Variants in TGIF1 observed in about 807,000 individuals in gnomAD.
TGIF1 encodes the protein homeobox protein TGIF1.
In TGIF1, 4 loss-of-function variants were observed where a neutral mutation model predicts 19.3. The observed-to-expected ratio is 0.21, with a 90% CI of 0.10 to 0.47. The LOEUF is 0.47. TGIF1 is among the 20% of genes least tolerant of loss of function. The probability of loss-of-function intolerance (pLI) is 0.98; values close to 1 mark genes in which losing one functional copy is unlikely to be tolerated. For missense variants in TGIF1, 275 were observed against 341.4 expected (o/e 0.81, Z 1.53); for synonymous variants, 122 against 129.3 (o/e 0.94, Z 0.38).
chr18:3,422,674 T>TTTTTTGTTTTTTTG lies in TGIF1; in HGVS notation c.-45+4464_-45+4465insGTTTTTTTGTTTTT, dbSNP rs1439157810. Among the ~76,000 whole-genome samples the TTTTTTGTTTTTTTG allele has an allele frequency of 3.2e-4, 6 of 18,466 alleles. 2 individuals are homozygous for TTTTTTGTTTTTTTG. The highest frequency in any genetic ancestry group is 2.9e-4 in the Non-Finnish European group (1 of 3,398). The allele number at this position is 18,466 out of a possible 152,430, so 12.1% of individuals were successfully genotyped here. On this transcript the variant is annotated intron_variant, in intron 2 of 3. Coordinates refer to the TGIF1 transcript ENST00000401449. ...TGTTAAGTGCCCTATATAGGTGGCC[T>TTTTTTGTTTTTTTG]TTTTTTTTTTTTTTTTTTTTTTTTT...
rs1253977897 is a variant in TGIF1 at position 3,419,724 on chromosome 18, G to A, written c.-45+1509G>A. 2.6e-5 allele frequency among the ~76,000 whole-genome samples: 4 copies of A among 152,210 alleles called. No homozygotes were observed. The East Asian group carries it at 7.7e-4, about 29-fold the overall frequency. On this transcript the variant is annotated intron_variant, in intron 2 of 3. Transcript: ENST00000401449. ...TCTCCAACTCAACAAGAAAAAAGCA[G>A]GCTGGGCACGGTGGCTCACGCCTGT...
At chr18:3,446,183 T>G (rs1381668492), upstream of TGIF1, among the ~76,000 whole-genome samples, 2 of 152,100 alleles carry the variant, frequency 1.3e-5, no homozygotes, top group African/African-American at 4.8e-5. Context: ...TATCTTTCCG[T>G]TTTTTTGTTT....
At chr18:3,449,822 C>CT, upstream of TGIF1, 1 of 985,614 alleles carries the variant, frequency 1.0e-6, no homozygotes, top group Non-Finnish European at 1.2e-6. Flanking sequence ...GGGAGGTGTC[C>CT]TTTTTTCCAT....
intron 1 of TGIF1, 132 bp downstream of exon 1, chr18:3,450,637 T>C: frequency 6.6e-7 from 1 of 1,522,266 alleles, no homozygotes; most frequent in Non-Finnish European, 8.8e-7. Context: ...GCGGCCGTGC[T>C]CTTTGTTGAG....
chr18:3,445,723 C>CAA (rs141550400), upstream of TGIF1, among the ~76,000 whole-genome samples: 550 of 17,602 alleles, frequency 0.031, 29 homozygotes, highest in East Asian at 0.13. Flanking sequence ...GACTCTGTCT[C>CAA]AAAAAAAAAA....
At chr18:3,449,993 C>A (rs894792441), upstream of TGIF1, 8 of 988,648 alleles carry the variant, frequency 8.1e-6, no homozygotes, top group African/African-American at 1.7e-5. Context: ...ACCCGGCCAC[C>A]CCCCGCGTCC....
At chr18:3,448,342 C>G, upstream of TGIF1, 1 of 985,426 alleles carries the variant, frequency 1.0e-6, no homozygotes. Flanking sequence ...ACCCTTCAAA[C>G]GAAATAGCGA....
chr18:3,454,699 G>A (rs2083108463), intron 1 of TGIF1, among the ~76,000 whole-genome samples: 1 of 152,154 alleles, frequency 6.6e-6, no homozygotes, highest in African/African-American at 2.4e-5. Flanking sequence ...AATCATCAGG[G>A]GAGGGGAATT....
chr18:3,448,171 A>C (rs914586262), upstream of TGIF1: 4 of 985,224 alleles, frequency 4.1e-6, no homozygotes, highest in East Asian at 4.6e-4. Context: ...GTTAGCAAAC[A>C]AAGCGTCTCC....
At position 3,428,899 on chromosome 18, in the gene TGIF1, T is replaced by C. The variant is rs1456157521; in HGVS notation, c.-45+10684T>C. Among the ~76,000 whole-genome samples the C allele has an allele frequency of 8.6e-5, 13 of 150,962 alleles. No individual in the cohort carries two copies. In the East Asian group the frequency reaches 1.4e-3, roughly 16 times the overall value. ...TCTACTAAAATACAGAAATAAAAAA[T>C]AAAATAAGCCGAGCATGGCGGCGTG... On this transcript the variant is annotated intron_variant, in intron 2 of 3. Transcript: ENST00000401449.
upstream of TGIF1, chr18:3,447,897 A>G: frequency 6.5e-7 from 1 of 1,540,088 alleles, no homozygotes; most frequent in Non-Finnish European, 9.0e-7. Context: ...TTTTCAAGCT[A>G]TAAACCCTTT....
intron 2 of TGIF1, among the ~76,000 whole-genome samples, chr18:3,435,985 C>A (rs1330414224): frequency 6.6e-6 from 1 of 152,040 alleles, no homozygotes; most frequent in East Asian, 1.9e-4. Context: ...CTCTCTGCCA[C>A]CTGAGTTTCT....
upstream of TGIF1, chr18:3,448,418 G>T (rs2082789879): frequency 1.0e-6 from 1 of 995,150 alleles, no homozygotes; most frequent in Non-Finnish European, 1.2e-6. Context: ...GTCCCGCACC[G>T]GGCGCAGCAG....
At chr18:3,448,174 G>C, upstream of TGIF1, 2 of 983,670 alleles carry the variant, frequency 2.0e-6, no homozygotes, top group Non-Finnish European at 2.4e-6. Flanking sequence ...AGCAAACAAA[G>C]CGTCTCCCCA....
chr18:3,451,659 C>G lies in TGIF1; in HGVS notation c.16+1154C>G. ...GGTAGCCTCAAGGCCAGCGGGGTTC[C>G]TTCGGCTGCGTTTCTGTGGGAGGCC... On this transcript the variant is annotated intron_variant, in intron 1 of 2. Transcript: ENST00000343820. The surrounding 1 kb of genome is among the most constrained non-coding windows in gnomAD (Gnocchi z 5.4). 8.7e-7 allele frequency: 1 copy of G among 1,151,832 alleles called. No homozygotes were observed. The highest frequency in any genetic ancestry group is 1.1e-6 in the Non-Finnish European group (1 of 937,306). The allele number at this position is 1,151,832 out of a possible 1,614,324, so 71.4% of individuals were successfully genotyped here. A position where few individuals can be genotyped will look rare whatever the true frequency, so the allele number is the denominator to read the frequency against.
chr18:3,456,153 A>G lies in TGIF1; in HGVS notation c.17-201A>G. On this transcript the variant is annotated intron_variant, in intron 1 of 2. Transcript: ENST00000343820. The surrounding 1 kb of genome is among the most constrained non-coding windows in gnomAD (Gnocchi z 4.2). The stretch of plus-strand genomic sequence containing the variant: ...AAGCGGCTGAGAAAAGGCATCTGGC[A>G]TTTGGTTGAGAGCCTCCTATGTGGT... The G allele has an allele frequency of 1.5e-6, 1 of 661,422 alleles. No individual in the cohort carries two copies. 41.0% of individuals were successfully genotyped at this position (661,422 alleles called of 1,614,324 possible).
chr18:3,456,846 T>G lies in TGIF1; in HGVS notation c.243+266T>G. On this transcript the variant is annotated intron_variant, in intron 2 of 2. Coordinates refer to ENST00000343820, the MANE Select transcript of TGIF1 (RefSeq NM_003244.4). This position sits in a 1 kb window ranked among gnomAD's most constrained non-coding sequence, Gnocchi z 4.2. ...CAGACATTAAAAGGAGGTTAAACCT[T>G]ACTCTATTGTCCAGGAAACTGGTTT... is the stretch of plus-strand genomic sequence containing the variant. 1.6e-6 allele frequency: 1 copy of G among 613,890 alleles called. No individual in the cohort carries two copies. The highest frequency in any genetic ancestry group is 2.9e-6 in the Non-Finnish European group (1 of 347,744). The allele number at this position is 613,890 out of a possible 1,614,324, so 38.0% of individuals were successfully genotyped here. A position where few individuals can be genotyped will look rare whatever the true frequency, so the allele number is the denominator to read the frequency against.
chr18:3,445,210 A>G (rs2082724555), upstream of TGIF1, among the ~76,000 whole-genome samples: 1 of 152,270 alleles, frequency 6.6e-6, no homozygotes, highest in African/African-American at 2.4e-5. Context: ...ATTTAGGCCT[A>G]GCCTTGACTG....
At position 3,430,127 on chromosome 18, in the gene TGIF1, G is replaced by GC. The variant is rs1380301937; in HGVS notation, c.-45+11913dup. 3.3e-5 allele frequency among the ~76,000 whole-genome samples: 5 copies of GC among 152,340 alleles called. No homozygotes were observed. In the South Asian group the frequency reaches 1.0e-3, roughly 32 times the overall value. ...GCTGAGATCGCAACATTGCACTCCA[G>GC]CTGGGTGACAGAGTAAGACTGTCTC... On this transcript the variant is annotated intron_variant, in intron 2 of 3. Transcript: ENST00000401449.
Sources: allele counts gnomAD v4.1 joint callset (sites outside exome capture counted in the v4.1 genomes callset), GRCh38; gene constraint gnomAD v4.1.1; non-coding constraint Gnocchi (gnomAD v3.1); transcripts MANE v1.5; gene names NCBI Gene and HGNC (gene_info 2026-07-23, HGNC 2026-07-21).